Variants in IFI27 observed in about 807,000 individuals in gnomAD.
IFI27 encodes the protein interferon alpha inducible protein 27, also known as interferon alpha-inducible protein 27, mitochondrial.
Under a neutral mutation model 8.9 loss-of-function variants are expected in IFI27, and 3 were observed. The observed-to-expected ratio is 0.34, with a 90% confidence interval of 0.15 to 0.87. The LOEUF (loss-of-function observed/expected upper bound fraction) is 0.87. Ranked by LOEUF, IFI27 falls within the 40% of genes least tolerant of loss-of-function variation. The probability of loss-of-function intolerance (pLI) is 0.51; values close to 1 mark genes in which losing one functional copy is unlikely to be tolerated. For synonymous variants in IFI27, 66 were observed against 67.3 expected, an observed-to-expected ratio of 0.98 and a Z score of 0.09; for missense variants, 152 against 157.7, an observed-to-expected ratio of 0.96 and a Z score of 0.19.
chr14:94,114,880 G>T (rs767168439), exon 3 of IFI27: 13 of 1,614,198 alleles, frequency 8.1e-6, no homozygotes, highest in Non-Finnish European at 1.1e-5. Context: ...GATTGGAGGA[G>T]GTGAGTCTGT....
chr14:94,116,021 C>A lies in IFI27; in HGVS notation c.283+79C>A, dbSNP rs893797829. 3.4e-5 allele frequency: 45 copies of A among 1,308,864 alleles called. 1 individual carries two copies. Among genetic ancestry groups the A allele is most frequent in the Non-Finnish European group, 5.4e-6 (5 of 932,986 alleles). The allele number at this position is 1,308,864 out of a possible 1,614,324, so 81.1% of individuals were successfully genotyped here. On this transcript the variant is annotated intron_variant, in intron 4 of 4. Transcript: ENST00000621160. This position sits in a 1 kb window ranked among gnomAD's most constrained non-coding sequence, Gnocchi z 4.3. ...CCAAGGACCCAGTCCCAATCTCAAC[C>A]CTATGAACCTCAATCTCCCTGTTCC...
At chr14:94,109,340 G>A (rs1887074378), upstream of IFI27, among the ~76,000 whole-genome samples, 1 of 149,252 alleles carries the variant, frequency 6.7e-6, no homozygotes, top group Non-Finnish European at 1.5e-5. Context: ...GGGGAGGGGA[G>A]GGCAGGGAAG....
Position 94,111,870 on chromosome 14 carries a change from C to T in IFI27, c.91+97C>T, listed in dbSNP as rs1887205105. 1 of 935,928 alleles carries T rather than the reference C, an allele frequency of 1.1e-6. No homozygotes were observed. Among genetic ancestry groups the T allele is most frequent in the Non-Finnish European group, 1.8e-6 (1 of 571,358 alleles). 58.0% of individuals were successfully genotyped at this position (935,928 alleles called of 1,614,324 possible). On this transcript the variant is annotated intron_variant, in intron 2 of 4. Transcript: ENST00000621160. The surrounding 1 kb of genome is among the most constrained non-coding windows in gnomAD (Gnocchi z 4.3). ...GACCCGTGGGAGAGAAAATGGGGGA[C>T]ACCCGCAGCCTTGCTGCCCTGTCCT...
intron 2 of IFI27, 184 bp from the exon 3 acceptor site, chr14:94,114,667 T>A: frequency 1.6e-6 from 1 of 634,598 alleles, no homozygotes; most frequent in Non-Finnish European, 2.8e-6. Context: ...TCCCCAGTGA[T>A]CCTCACCCTC....
intron 3 of IFI27, 104 bp downstream of exon 3, chr14:94,114,984 T>A (rs1275442762): frequency 1.1e-5 from 12 of 1,065,616 alleles, no homozygotes; most frequent in Non-Finnish European, 1.8e-5. Context: ...ACATGGGTGG[T>A]CAGGGGAGGA....
upstream of IFI27, among the ~76,000 whole-genome samples, chr14:94,108,459 T>G (rs1887040576): frequency 6.6e-6 from 1 of 152,228 alleles, no homozygotes; most frequent in South Asian, 2.1e-4. Flanking sequence ...CAGAAGTGAT[T>G]TGAGCCTCAG....
chr14:94,106,125 A>G (rs1887012031), upstream of IFI27, among the ~76,000 whole-genome samples: 1 of 152,206 alleles, frequency 6.6e-6, no homozygotes, highest in Non-Finnish European at 1.5e-5. Context: ...GTGTCCTCAC[A>G]TGGTAGTGGG....
rs987075349 is a variant in IFI27, at chr14:94,111,779, T to A, written c.91+6T>A. ...TGCCGTAGTTTTGCCCCTGGGTGAG[T>A]GTTCCTGGGAGGGGCTGGTGCTGGG... On this transcript the variant is annotated splice_donor_region_variant and intron_variant, in intron 2 of 4. Coordinates refer to ENST00000621160, the Ensembl canonical transcript of IFI27. The surrounding 1 kb of genome is among the most constrained non-coding windows in gnomAD (Gnocchi z 4.3). 1 of 1,610,652 alleles carries A rather than the reference T, an allele frequency of 6.2e-7. No individual in the cohort carries two copies. Among genetic ancestry groups the A allele is most frequent in the African/African-American group, 1.3e-5 (1 of 74,722 alleles).
Position 94,111,825 on chromosome 14 carries a change from G to T in IFI27, c.91+52G>T, listed in dbSNP as rs937884655. 8 of 1,381,374 alleles carry T rather than the reference G, an allele frequency of 5.8e-6. No homozygotes were observed. Among genetic ancestry groups the T allele is most frequent in the Non-Finnish European group, 8.3e-6 (8 of 968,446 alleles). 85.6% of individuals were successfully genotyped at this position (1,381,374 alleles called of 1,614,324 possible). ...CTGGGGGCGAGGAGGCGGCTGGGAA[G>T]GGCGGGGGTCCTGTCCCGGGACCCG... On this transcript the variant is annotated intron_variant, in intron 2 of 4. Coordinates refer to ENST00000621160, the Ensembl canonical transcript of IFI27. The surrounding 1 kb of genome is among the most constrained non-coding windows in gnomAD (Gnocchi z 4.3).
At chr14:94,107,109 G>A (rs965818230), upstream of IFI27, among the ~76,000 whole-genome samples, 1 of 151,808 alleles carries the variant, frequency 6.6e-6, no homozygotes, top group African/African-American at 2.4e-5. Flanking sequence ...CACTCTTCTT[G>A]CCCAGGCTGG....
chr14:94,113,560 G>A (rs897882649), intron 2 of IFI27: 1 of 152,164 alleles, frequency 6.6e-6, no homozygotes, highest in Non-Finnish European at 1.5e-5. Context: ...AGGTCTCAGG[G>A]TAGGGCAGGT....
upstream of IFI27, among the ~76,000 whole-genome samples, chr14:94,110,197 TTCA>T (rs373784098): frequency 1.5e-3 from 231 of 152,360 alleles, 1 homozygote; most frequent in African/African-American, 5.3e-3. Context: ...GCTTTAGCGC[TTCA>T]TCAAATAACA....
intron 3 of IFI27, 24 bp from the exon 4 acceptor site, chr14:94,115,757 C>T (rs753192420): frequency 1.5e-5 from 24 of 1,599,598 alleles, no homozygotes; most frequent in Admixed American, 8.5e-5. Flanking sequence ...GCCCACGCAC[C>T]GACCCAGCTC....
chr14:94,107,730 T>C (rs958359459), upstream of IFI27, among the ~76,000 whole-genome samples: 6 of 152,246 alleles, frequency 3.9e-5, no homozygotes, highest in African/African-American at 1.4e-4. Context: ...TATTTTTAAT[T>C]GCTGCTTAGT....
In IFI27 at chr14:94,111,677, G is replaced by C. The variant is rs780690968; in HGVS notation, c.-6G>C. 6.2e-7 allele frequency: 1 copy of C among 1,613,424 alleles called. No individual in the cohort carries two copies. Among genetic ancestry groups the C allele is most frequent in the Non-Finnish European group, 8.5e-7 (1 of 1,179,282 alleles). ...TCTCTAGGCCACGGAATTAACCCGA[G>C]CAGGCATGGAGGCCTCTGCTCTCAC... On this transcript the variant is annotated 5_prime_UTR_variant, in exon 2 of 5. Transcript: ENST00000621160. This position sits in a 1 kb window ranked among gnomAD's most constrained non-coding sequence, Gnocchi z 4.3.
At chr14:94,110,080 T>C (rs1443656880), upstream of IFI27, among the ~76,000 whole-genome samples, 1 of 152,248 alleles carries the variant, frequency 6.6e-6, no homozygotes, top group Non-Finnish European at 1.5e-5. Context: ...GAGGCCACAC[T>C]GGCCCCCTTG....
Position 94,116,514 on chromosome 14 carries a change from C to A in IFI27, c.356C>A (p.Ala119Glu), listed in dbSNP as rs752772349. ...GGGTCTGCCATTGCGGCTGTCATTG[C>A]GAGGTTCTACTAGCTCCCTGCCCCT... The change falls in exon 5 of 5, where the codon GCG becomes GAG. Residue 119 changes from alanine (A) to glutamate (E), a missense_variant. By Grantham distance (107) the Ala-to-Glu change is moderately radical. Coordinates refer to ENST00000621160, the Ensembl canonical transcript of IFI27. The surrounding 1 kb of genome is among the most constrained non-coding windows in gnomAD (Gnocchi z 4.3). The A allele has an allele frequency of 1.2e-6, 2 of 1,612,684 alleles. No individual in the cohort carries two copies. Among genetic ancestry groups the A allele is most frequent in the Non-Finnish European group, 1.7e-6 (2 of 1,179,316 alleles).
At chr14:94,112,090 TC>T in intron 2 of IFI27, 1 of 455,832 alleles carries the variant, frequency 2.2e-6, no homozygotes, top group Non-Finnish European at 4.0e-6. Flanking sequence ...TCCCCCAGAT[TC>T]ACCATCAGAA....
upstream of IFI27, among the ~76,000 whole-genome samples, chr14:94,110,218 C>T (rs114179696): frequency 0.014 from 2,168 of 152,304 alleles, 46 homozygotes; most frequent in African/African-American, 0.05. Flanking sequence ...ACATTCTATA[C>T]ATTTAGTTAT....
Sources: gnomAD v4.1 joint callset for allele counts (sites outside exome capture counted in the v4.1 genomes callset) on GRCh38, gnomAD v4.1.1 for gene constraint, Gnocchi (gnomAD v3.1) non-coding constraint, MANE v1.5 for transcripts, NCBI Gene and HGNC (gene_info 2026-07-23, HGNC 2026-07-21) for gene names.